The following ZNF385D variants were observed in gnomAD, a reference collection of about 807,000 sequenced individuals.
The protein encoded by ZNF385D is zinc finger protein 385D, also known as zinc finger protein 659.
Under a neutral mutation model 35.8 loss-of-function variants are expected in ZNF385D, and 15 were observed. That is an observed-to-expected ratio of 0.42 (90% CI 0.28 to 0.64). The LOEUF (loss-of-function observed/expected upper bound fraction) is 0.64, where lower values mean the gene tolerates loss of function less well. Ranked by LOEUF, ZNF385D falls within the 30% of genes least tolerant of loss-of-function variation. ZNF385D has a pLI of 0.23. For missense variants in ZNF385D, 474 were observed against 494.6 expected (o/e 0.96, Z 0.39); for synonymous variants, 212 against 186.8 (o/e 1.13, Z -1.10).
At chr3:21,773,714 C>A (rs1385369391) in intron 3 of ZNF385D, among the ~76,000 whole-genome samples, 1 of 151,414 alleles carries the variant, frequency 6.6e-6, no homozygotes, top group Non-Finnish European at 1.5e-5. Context: ...ATCAAAACTA[C>A]AATAGATACC....
intron 2 of ZNF385D, among the ~76,000 whole-genome samples, chr3:22,354,385 C>T (rs1303569373): frequency 6.6e-6 from 1 of 151,826 alleles, no homozygotes; most frequent in Non-Finnish European, 1.5e-5. Flanking sequence ...GCTGCTGTTG[C>T]TGCTATTATG....
At chr3:21,766,608 G>C (rs1056605386) in intron 3 of ZNF385D, among the ~76,000 whole-genome samples, 9 of 152,098 alleles carry the variant, frequency 5.9e-5, no homozygotes, top group African/African-American at 2.2e-4. Context: ...GTAGAATAGA[G>C]AACATTTATT....
At chr3:22,332,387 A>G (rs946554448) in intron 2 of ZNF385D, among the ~76,000 whole-genome samples, 1 of 152,192 alleles carries the variant, frequency 6.6e-6, no homozygotes, top group Non-Finnish European at 1.5e-5. Context: ...CTGAAGATTC[A>G]ATGAAGAAAT....
At chr3:21,435,673 G>A (rs1403577291) in intron 5 of ZNF385D, among the ~76,000 whole-genome samples, 2 of 152,126 alleles carry the variant, frequency 1.3e-5, no homozygotes, top group African/African-American at 4.8e-5. Context: ...AATGACCAAG[G>A]ATTCTTGGGA....
At chr3:21,762,754 C>T (rs927406592) in intron 3 of ZNF385D, among the ~76,000 whole-genome samples, 2 of 152,218 alleles carry the variant, frequency 1.3e-5, no homozygotes. Context: ...TGGAGAGCTG[C>T]CTTGTCAAGG....
Position 21,592,960 on chromosome 3 carries a change from A to G in ZNF385D, c.166-28276T>C, listed in dbSNP as rs558594456. On this transcript the variant is annotated intron_variant, in intron 2 of 7. Coordinates refer to ENST00000281523, the MANE Select transcript of ZNF385D (RefSeq NM_024697.3). Reference sequence around the variant, plus strand: ...GCTACAGGGCAGCAAGGGCTGAAATATGCCCTGCACAGCAAGCTTCTGACC... The same window carrying G: ...GCTACAGGGCAGCAAGGGCTGAAATGTGCCCTGCACAGCAAGCTTCTGACC... 7.1e-4 allele frequency among the ~76,000 whole-genome samples: 108 copies of G among 152,294 alleles called. 2 individuals are homozygous for G. The South Asian group carries it at 0.016, about 23-fold the overall frequency.
chr3:21,477,290 T>C (rs998094400), intron 4 of ZNF385D, among the ~76,000 whole-genome samples: 1 of 151,952 alleles, frequency 6.6e-6, no homozygotes. Flanking sequence ...TAGCCAGACA[T>C]TGTGGCATGC....
At chr3:21,445,893 A>T (rs573761205) in intron 4 of ZNF385D, among the ~76,000 whole-genome samples, 191 of 152,280 alleles carry the variant, frequency 1.3e-3, no homozygotes, top group African/African-American at 4.4e-3. Flanking sequence ...AATTTTTCAA[A>T]TAATATTTAT....
chr3:22,077,870 AC>A (rs1002696420), intron 3 of ZNF385D, among the ~76,000 whole-genome samples: 3 of 151,394 alleles, frequency 2.0e-5, no homozygotes, highest in South Asian at 2.1e-4. Flanking sequence ...CATGTGAGAC[AC>A]CCCCCACTCC....
In ZNF385D at chr3:21,646,087, C is replaced by T. The variant is rs932487553; in HGVS notation, c.165+18799G>A. On this transcript the variant is annotated intron_variant, in intron 2 of 7. Transcript: ENST00000281523. The surrounding 1 kb of genome is among the most constrained non-coding windows in gnomAD (Gnocchi z 4.3). ...CTAAAAAGAATGTGGAGGCTGAGGCCAAAGTGTCAGATAAGTTTTTTTTAA... is the reference window on the plus strand; with the variant it reads ...CTAAAAAGAATGTGGAGGCTGAGGCTAAAGTGTCAGATAAGTTTTTTTTAA... Among the ~76,000 whole-genome samples, 5 of 151,886 alleles carry T rather than the reference C, an allele frequency of 3.3e-5. No individual in the cohort carries two copies. The highest frequency in any genetic ancestry group is 3.3e-4 in the Admixed American group (5 of 15,256).
intron 3 of ZNF385D, among the ~76,000 whole-genome samples, chr3:21,969,255 C>A (rs1252768944): frequency 2.6e-5 from 4 of 152,128 alleles, no homozygotes; most frequent in Non-Finnish European, 5.9e-5. Context: ...CCACTCAAAT[C>A]TCATCTTGAC....
chr3:21,660,241 A>G (rs1437144387), intron 2 of ZNF385D, among the ~76,000 whole-genome samples: 1 of 152,166 alleles, frequency 6.6e-6, no homozygotes, highest in African/African-American at 2.4e-5. Context: ...TACATTTTTA[A>G]TGTTAAAGAA....
At chr3:21,470,629 G>C (rs1035312496) in intron 4 of ZNF385D, among the ~76,000 whole-genome samples, 2 of 152,010 alleles carry the variant, frequency 1.3e-5, no homozygotes, top group Admixed American at 1.3e-4. Context: ...AAAAACAAAT[G>C]GTTTTCCCAG....
At chr3:21,471,361 C>T (rs190657225) in intron 4 of ZNF385D, among the ~76,000 whole-genome samples, 12 of 146,888 alleles carry the variant, frequency 8.2e-5, no homozygotes, top group Admixed American at 3.5e-4. Flanking sequence ...TTTTTTACTA[C>T]TACTTGGTAG....
intron 3 of ZNF385D, among the ~76,000 whole-genome samples, chr3:22,034,748 T>C (rs553015961): frequency 6.6e-6 from 1 of 152,190 alleles, no homozygotes; most frequent in Non-Finnish European, 1.5e-5. Flanking sequence ...AATAACTCAA[T>C]AAATATTTAA....
chr3:21,776,110 ATTAT>A (rs1463001417), intron 3 of ZNF385D, among the ~76,000 whole-genome samples: 5 of 151,810 alleles, frequency 3.3e-5, no homozygotes, highest in Non-Finnish European at 5.9e-5. Context: ...AAATATGTTA[ATTAT>A]TTAATTATAT....
Position 21,809,990 on chromosome 3 carries a change from CA to C in ZNF385D, c.326-144963del, listed in dbSNP as rs1483393434. Among the ~76,000 whole-genome samples, 15 of 152,162 alleles carry C rather than the reference CA, an allele frequency of 9.9e-5. No individual in the cohort carries two copies. The South Asian group carries it at 2.5e-3, about 25-fold the overall frequency. Reference sequence around the variant, plus strand: ...AAGAAAAATTTACATGGATTCCATACAATATCTTCCAGAAAATAGGAGAGAA... The same window carrying C: ...AAGAAAAATTTACATGGATTCCATACATATCTTCCAGAAAATAGGAGAGAA... On this transcript the variant is annotated intron_variant, in intron 3 of 5. Transcript: ENST00000494108.
At chr3:21,829,835 T>G (rs1575735545) in intron 3 of ZNF385D, among the ~76,000 whole-genome samples, 1 of 152,124 alleles carries the variant, frequency 6.6e-6, no homozygotes, top group East Asian at 2.0e-4. Context: ...CCTAATATTT[T>G]AGAGTTTGGC....
chr3:22,104,451 T>C (rs1702103339), intron 3 of ZNF385D, among the ~76,000 whole-genome samples: 1 of 152,188 alleles, frequency 6.6e-6, no homozygotes, highest in Admixed American at 6.6e-5. Context: ...ATGTTTAAGC[T>C]CCATTTTTTA....
Sources: gnomAD v4.1 joint callset for allele counts (sites outside exome capture counted in the v4.1 genomes callset) on GRCh38, gnomAD v4.1.1 for gene constraint, Gnocchi (gnomAD v3.1) non-coding constraint, MANE v1.5 for transcripts, NCBI Gene and HGNC (gene_info 2026-07-23, HGNC 2026-07-21) for gene names.